The following TFAP2D variants were observed in gnomAD, a reference collection of about 807,000 sequenced individuals.
TFAP2D encodes the protein transcription factor AP-2-delta.
In TFAP2D, 9 loss-of-function variants were observed where a neutral mutation model predicts 43.6. The ratio of observed to expected loss-of-function variants is 0.21; its 90% CI spans 0.12 to 0.36. TFAP2D has a LOEUF of 0.36. Ranked by LOEUF, TFAP2D falls within the 10% of genes least tolerant of loss-of-function variation. The pLI is 1.00. For synonymous variants in TFAP2D, 256 were observed against 224.9 expected (o/e 1.14, Z -1.24); for missense variants, 513 against 561.4 (o/e 0.91, Z 0.87).
chr6:50,739,148 T>A (rs1300372187), intron 5 of TFAP2D, among the ~76,000 whole-genome samples: 1 of 152,204 alleles, frequency 6.6e-6, no homozygotes, highest in South Asian at 2.1e-4. Context: ...TGTATACATG[T>A]GCCATGTTGG....
Position 50,715,337 on chromosome 6 carries a change from C to T in TFAP2D, c.261C>T (p.Pro87=), listed in dbSNP as rs1388042871. The T allele has an allele frequency of 1.3e-5, 21 of 1,614,058 alleles. No individual in the cohort carries two copies. The highest frequency in any genetic ancestry group is 2.2e-5 in the South Asian group (2 of 91,084). Residue 87 remains proline, a synonymous_variant, in exon 2 of 8, where the codon CCC becomes CCT. Coordinates refer to ENST00000008391, the MANE Select transcript of TFAP2D (RefSeq NM_172238.4). ...EFQHSHPAVT[P]DAYSLNSLHH... The stretch of plus-strand genomic sequence containing the variant: ...AGCACAGCCACCCGGCCGTCACCCC[C>T]GACGCCTACTCTCTGAACTCTCTCC...
rs1329416413 is a variant in TFAP2D, at chr6:50,713,784, C to A, written c.-272C>A. 89 of 548,720 alleles carry A rather than the reference C, an allele frequency of 1.6e-4. No homozygotes were observed. The highest frequency in any genetic ancestry group is 2.9e-5 in the Non-Finnish European group (9 of 314,708). The allele number at this position is 548,720 out of a possible 1,614,324, so 34.0% of individuals were successfully genotyped here. A position where few individuals can be genotyped will look rare whatever the true frequency, so the allele number is the denominator to read the frequency against. On this transcript the variant is annotated 5_prime_UTR_variant, in exon 1 of 8. Transcript: ENST00000008391. ...AACTTCTATATTACCAAGGGACCTACGACATCAGCCAAAGAAATACTCAGC... is the reference window on the plus strand; with the variant it reads ...AACTTCTATATTACCAAGGGACCTAAGACATCAGCCAAAGAAATACTCAGC...
At chr6:50,771,104 T>C (rs887047250) in intron 7 of TFAP2D, among the ~76,000 whole-genome samples, 1 of 152,236 alleles carries the variant, frequency 6.6e-6, no homozygotes, top group African/African-American at 2.4e-5. Flanking sequence ...GAACTACCTA[T>C]GCTGAGGTTA....
At chr6:50,718,284 G>A (rs1471248613) in intron 2 of TFAP2D, 4 of 152,118 alleles carry the variant, frequency 2.6e-5, no homozygotes, top group African/African-American at 9.7e-5. Flanking sequence ...GTTTTGTAAA[G>A]TGGGTTTTTA....
chr6:50,762,597 A>G (rs1196547525), intron 7 of TFAP2D, among the ~76,000 whole-genome samples: 2 of 152,128 alleles, frequency 1.3e-5, no homozygotes, highest in African/African-American at 2.4e-5. Context: ...TTATGTTGCA[A>G]GAAAGGTGCT....
intron 3 of TFAP2D, among the ~76,000 whole-genome samples, chr6:50,719,489 G>T (rs1416058612): frequency 1.4e-5 from 2 of 138,732 alleles, no homozygotes; most frequent in Non-Finnish European, 3.3e-5. Flanking sequence ...AAGAAAGAAA[G>T]AAAGAAAGAA....
At chr6:50,730,618 A>G (rs1008228966) in intron 5 of TFAP2D, among the ~76,000 whole-genome samples, 4 of 152,152 alleles carry the variant, frequency 2.6e-5, no homozygotes, top group African/African-American at 9.7e-5. Flanking sequence ...AAAATATAAC[A>G]AAACAGTTGC....
At chr6:50,751,163 A>G (rs1308930061) in intron 6 of TFAP2D, 48 bp from the exon 7 acceptor site, 4 of 1,309,370 alleles carry the variant, frequency 3.1e-6, no homozygotes. Context: ...GATGAAATTA[A>G]AGCTCAATTT....
chr6:50,718,387 G>A (rs1207461042), intron 2 of TFAP2D, among the ~76,000 whole-genome samples: 3 of 151,918 alleles, frequency 2.0e-5, no homozygotes, highest in Admixed American at 6.6e-5. Context: ...CCAATACCTC[G>A]TTTGTTTGTA....
intron 7 of TFAP2D, among the ~76,000 whole-genome samples, chr6:50,766,870 T>G (rs1769452360): frequency 6.6e-6 from 1 of 151,536 alleles, no homozygotes; most frequent in Non-Finnish European, 1.5e-5. Flanking sequence ...GGGTTTCACC[T>G]TGTTAGCCAG....
In TFAP2D at chr6:50,719,072, T is replaced by C. The variant is rs1768673278; in HGVS notation, c.538-18T>C. 1.2e-6 allele frequency: 2 copies of C among 1,612,870 alleles called. No individual in the cohort carries two copies. The highest frequency in any genetic ancestry group is 2.2e-5 in the South Asian group (2 of 90,838). The stretch of plus-strand genomic sequence containing the variant: ...GAGTATCCATTTAAGTAATTTTATT[T>C]CTGTTTCTTTTATTAAGGGCTCTGT... On this transcript the variant is annotated intron_variant, in intron 2 of 7. Coordinates refer to ENST00000008391, the MANE Select transcript of TFAP2D (RefSeq NM_172238.4).
chr6:50,751,329 G>T lies in TFAP2D; in HGVS notation c.1139+5G>T. 1 of 1,600,368 alleles carries T rather than the reference G, an allele frequency of 6.2e-7. No homozygotes were observed. Among genetic ancestry groups the T allele is most frequent in the South Asian group, 1.1e-5 (1 of 90,728 alleles). On this transcript the variant is annotated splice_donor_5th_base_variant and intron_variant, in intron 7 of 7. Coordinates refer to ENST00000008391, the MANE Select transcript of TFAP2D (RefSeq NM_172238.4). The stretch of plus-strand genomic sequence containing the variant: ...GAGACATTTAACACATTTCAGGTAA[G>T]ACTGGTTTTCCAGTTTGCTCAAATT...
chr6:50,768,457 T>A (rs536575724), intron 7 of TFAP2D, among the ~76,000 whole-genome samples: 11 of 151,930 alleles, frequency 7.2e-5, no homozygotes, highest in African/African-American at 2.7e-4. Context: ...CATTGGCATC[T>A]CAAGGCTCTG....
chr6:50,751,156 GAA>G, intron 6 of TFAP2D, 53 bp from the exon 7 acceptor site: 1 of 1,234,956 alleles, frequency 8.1e-7, no homozygotes, highest in Non-Finnish European at 1.2e-6. Context: ...ATCATGGGAT[GAA>G]ATTAAAGCTC....
chr6:50,740,232 A>G (rs1290983459), intron 5 of TFAP2D, among the ~76,000 whole-genome samples: 2 of 152,214 alleles, frequency 1.3e-5, no homozygotes, highest in Non-Finnish European at 2.9e-5. Context: ...TTCATTTAAT[A>G]ACATTGGGTT....
At position 50,772,393 on chromosome 6, in the gene TFAP2D, AAT is replaced by A. The variant is rs560903272; in HGVS notation, c.1140-242_1140-241del. Among the ~76,000 whole-genome samples the A allele has an allele frequency of 4.8e-4, 73 of 152,164 alleles. 2 individuals are homozygous for A. The highest frequency in any genetic ancestry group is 4.4e-3 in the South Asian group (21 of 4,816). The stretch of plus-strand genomic sequence containing the variant: ...TACCCTAGAACTTAAAGTATAATAA[AAT>A]ATATATATAAATAATAATTAGTGCA... On this transcript the variant is annotated intron_variant, in intron 7 of 7. Transcript: ENST00000008391.
At chr6:50,769,070 T>C (rs1769485867) in intron 7 of TFAP2D, among the ~76,000 whole-genome samples, 1 of 152,006 alleles carries the variant, frequency 6.6e-6, no homozygotes, top group Non-Finnish European at 1.5e-5. Flanking sequence ...TTTTTTTTTG[T>C]ATTTTTAGTA....
intron 5 of TFAP2D, among the ~76,000 whole-genome samples, chr6:50,733,068 C>A (rs572576695): frequency 6.6e-6 from 1 of 151,948 alleles, no homozygotes; most frequent in Non-Finnish European, 1.5e-5. Context: ...TACCTACGAA[C>A]TAATAGGATG....
intron 1 of TFAP2D, 23 bp from the exon 2 acceptor site, chr6:50,715,093 C>T: frequency 6.2e-7 from 1 of 1,603,898 alleles, no homozygotes; most frequent in Non-Finnish European, 8.5e-7. Context: ...TTCTGCTCTC[C>T]CTTTTCCCCC....
Sources: allele counts gnomAD v4.1 joint callset (sites outside exome capture counted in the v4.1 genomes callset), GRCh38; gene constraint gnomAD v4.1.1; transcripts MANE v1.5; gene names NCBI Gene and HGNC (gene_info 2026-07-23, HGNC 2026-07-21).